The following PGBD1 variants were observed in gnomAD, a reference collection of about 807,000 sequenced individuals.
The protein encoded by PGBD1 is piggyBac transposable element-derived protein 1.
PGBD1 carries 25 observed loss-of-function variants against 34.7 expected under a neutral mutation model. That is an observed-to-expected ratio of 0.72 (90% CI 0.52 to 1.00). The LOEUF (loss-of-function observed/expected upper bound fraction) is 1.00, where lower values mean the gene tolerates loss of function less well. PGBD1 is among the 50% of genes least tolerant of loss of function. The pLI is 0.00. For missense variants in PGBD1, 830 were observed against 959.4 expected (o/e 0.87, Z 1.78); for synonymous variants, 292 against 335.7 (o/e 0.87, Z 1.42).
At position 28,285,712 on chromosome 6, in the gene PGBD1, G is replaced by C. The variant is rs1762266332; in HGVS notation, c.553+5G>C. 2 of 1,612,042 alleles carry C rather than the reference G, an allele frequency of 1.2e-6. No individual in the cohort carries two copies. The highest frequency in any genetic ancestry group is 8.5e-7 in the Non-Finnish European group (1 of 1,179,314). On this transcript the variant is annotated splice_donor_5th_base_variant and intron_variant, in intron 3 of 6. Transcript: ENST00000682144. ...GGAACCCCCAAGAAGTGAGTGGTGA[G>C]TGCTCGAGTGAGTTTAGTGAGGACG...
intron 4 of PGBD1, among the ~76,000 whole-genome samples, chr6:28,287,543 CTACTT>C (rs1370984451): frequency 2.0e-5 from 3 of 152,138 alleles, no homozygotes; most frequent in African/African-American, 7.2e-5. Context: ...CTTTCTCACA[CTACTT>C]TATATTCAGC....
intron 5 of PGBD1, 76 bp from the exon 6 acceptor site, chr6:28,297,819 T>TTG: frequency 7.0e-6 from 1 of 143,204 alleles, no homozygotes; most frequent in Non-Finnish European, 1.2e-5. Context: ...CCTGGAAGTT[T>TTG]TTTTTTTTTT....
intron 4 of PGBD1, among the ~76,000 whole-genome samples, chr6:28,290,872 G>A (rs999575333): frequency 2.6e-5 from 4 of 152,074 alleles, no homozygotes. Flanking sequence ...AAGAAATTAA[G>A]AAGGAAATGT....
In PGBD1 at chr6:28,296,923, A is replaced by G. The variant is rs761578545; in HGVS notation, c.750A>G (p.Thr250=). The G allele has an allele frequency of 6.2e-7, 1 of 1,614,148 alleles. No homozygotes were observed. The highest frequency in any genetic ancestry group is 1.1e-5 in the South Asian group (1 of 91,080). Reference sequence around the variant, plus strand: ...TCTGTGGGAACTCAGCTCAGGAGACAGTTATGAGCCTCAGTCCGATGAGTA... The same window carrying G: ...TCTGTGGGAACTCAGCTCAGGAGACGGTTATGAGCCTCAGTCCGATGAGTA... The part of the protein sequence containing the change: ...RNLCGNSAQE[T]VMSLSPMTEE... Residue 250 remains threonine (T), a synonymous_variant, in exon 5 of 7, where the codon ACA becomes ACG. Transcript: ENST00000682144.
chr6:28,283,164 C>T (rs1762177487), intron 1 of PGBD1, among the ~76,000 whole-genome samples: 1 of 152,154 alleles, frequency 6.6e-6, no homozygotes, highest in African/African-American at 2.4e-5. Context: ...GCTTGGGCTT[C>T]CTTACAGCAT....
In PGBD1 at chr6:28,302,029, A is replaced by G. The variant is rs41269295; in HGVS notation, c.2175A>G (p.Gln725=). Residue 725 remains glutamine, a synonymous_variant, in exon 7 of 7, where the codon CAA becomes CAG. Transcript: ENST00000682144. ...ACGAAGAAATCCCTCAGATAAGTCA[A>G]CCATCCATAGTAAAAGTGTATGATG... ...ADNEEIPQIS[Q]PSIVKVYDEC... is the part of the protein sequence containing the mutation. The G allele has an allele frequency of 1.9e-5, 30 of 1,614,210 alleles. No homozygotes were observed. The highest frequency in any genetic ancestry group is 2.2e-5 in the Non-Finnish European group (26 of 1,180,040).
At position 28,302,129 on chromosome 6, in the gene PGBD1, T is replaced by G. The variant is rs1439758639; in HGVS notation, c.2275T>G (p.Tyr759Asp). The stretch of plus-strand genomic sequence containing the variant: ...GGTGAGGATAAGAAGCAAGAAATGG[T>G]ACTCAATTTTGGTGAGCTACATGAT... ...YRVRIRSKKWYSILVSYMIDV... is the reference protein window; with the variant it reads ...YRVRIRSKKWDSILVSYMIDV... Residue 759 changes from tyrosine to aspartate, a missense_variant, in exon 7 of 7, where the codon TAC becomes GAC. Coordinates refer to ENST00000682144, the MANE Select transcript of PGBD1 (RefSeq NM_032507.4). The G allele has an allele frequency of 4.3e-6, 7 of 1,614,020 alleles. No homozygotes were observed. Among genetic ancestry groups the G allele is most frequent in the East Asian group, 2.2e-5 (1 of 44,888 alleles).
intron 6 of PGBD1, 106 bp downstream of exon 6, chr6:28,298,097 T>G: frequency 1.3e-6 from 1 of 786,642 alleles, no homozygotes; most frequent in East Asian, 2.6e-5. Flanking sequence ...GAATAAGATA[T>G]GACAACTGCC....
intron 4 of PGBD1, among the ~76,000 whole-genome samples, chr6:28,289,122 C>A (rs1280105336): frequency 6.6e-6 from 1 of 151,624 alleles, no homozygotes; most frequent in Non-Finnish European, 1.5e-5. Flanking sequence ...CAGAATCATC[C>A]CAAATAAGAC....
At chr6:28,298,059 A>G in intron 6 of PGBD1, 68 bp downstream of exon 6, 1 of 1,119,460 alleles carries the variant, frequency 8.9e-7, no homozygotes, top group South Asian at 1.3e-5. Flanking sequence ...AATCAGAGAA[A>G]CCAATTGGTC....
chr6:28,293,530 CA>C (rs1302950965), intron 4 of PGBD1, among the ~76,000 whole-genome samples: 1 of 152,176 alleles, frequency 6.6e-6, no homozygotes, highest in African/African-American at 2.4e-5. Context: ...ACAAGTCTGT[CA>C]GCACCATTTT....
rs1319010802 is a variant in PGBD1 at position 28,302,476 on chromosome 6, A to G, written c.*192A>G. The G allele has an allele frequency of 1.1e-5, 7 of 610,628 alleles. No homozygotes were observed. The highest frequency in any genetic ancestry group is 1.9e-5 in the Non-Finnish European group (7 of 375,958). 37.8% of individuals were successfully genotyped at this position (610,628 alleles called of 1,614,324 possible). ...GTAATGTTAAAAATTGTCTGTGAGA[A>G]TGTTGAACTGTAGTACCTTTCTCTA... On this transcript the variant is annotated 3_prime_UTR_variant, in exon 7 of 7. Transcript: ENST00000682144.
chr6:28,287,289 C>T (rs1762317039), intron 4 of PGBD1, 121 bp downstream of exon 4: 1 of 802,288 alleles, frequency 1.2e-6, no homozygotes, highest in African/African-American at 1.7e-5. Context: ...TGGCATAGTC[C>T]CTCTGCCTTC....
intron 4 of PGBD1, among the ~76,000 whole-genome samples, chr6:28,294,268 G>A (rs1342885748): frequency 1.2e-4 from 19 of 152,126 alleles, no homozygotes; most frequent in Admixed American, 1.1e-3. Flanking sequence ...AAGAATAATC[G>A]GAAGCTAGCA....
intron 4 of PGBD1, among the ~76,000 whole-genome samples, chr6:28,294,912 A>G (rs1256347295): frequency 6.6e-6 from 1 of 152,216 alleles, no homozygotes; most frequent in African/African-American, 2.4e-5. Context: ...TATTTGAGAA[A>G]TACATTTTTT....
chr6:28,302,109 G>A lies in PGBD1; in HGVS notation c.2255G>A (p.Arg752Lys). The change falls in exon 7 of 7, where the codon AGG becomes AAG. Residue 752 changes from arginine (R) to lysine (K), a missense_variant. Arg to Lys is a conservative substitution (Grantham distance 26, BLOSUM62 2). Coordinates refer to ENST00000682144, the MANE Select transcript of PGBD1 (RefSeq NM_032507.4). ...CAAATTATTTCGAAATACAGGGTGAGGATAAGAAGCAAGAAATGGTACTCA... is the reference window on the plus strand; with the variant it reads ...CAAATTATTTCGAAATACAGGGTGAAGATAAGAAGCAAGAAATGGTACTCA... ...MDQIISKYRV[R>K]IRSKKWYSIL... The A allele has an allele frequency of 6.2e-7, 1 of 1,614,138 alleles. No homozygotes were observed. The highest frequency in any genetic ancestry group is 8.5e-7 in the Non-Finnish European group (1 of 1,180,026).
Position 28,300,722 on chromosome 6 carries a change from A to G in PGBD1, c.870-2A>G. 1.3e-6 allele frequency: 2 copies of G among 1,594,578 alleles called. No individual in the cohort carries two copies. The highest frequency in any genetic ancestry group is 1.7e-6 in the Non-Finnish European group (2 of 1,172,102). On this transcript the variant is annotated splice_acceptor_variant, in intron 6 of 6. Transcript: ENST00000682144. LOFTEE classifies it high-confidence loss of function. This position sits in a 1 kb window ranked among gnomAD's most constrained non-coding sequence, Gnocchi z 4.0. ...ATAACATGTTCTTTTTTTCTTTCCC[A>G]GAGAGTGTGCACCCCAGATTCCTTG...
At position 28,301,850 on chromosome 6, in the gene PGBD1, AT is replaced by A. The variant is rs1246040233; in HGVS notation, c.1997del (p.Met666ArgfsTer4). On this transcript the variant is annotated frameshift_variant, in exon 7 of 7. Coordinates refer to ENST00000682144, the MANE Select transcript of PGBD1 (RefSeq NM_032507.4). LOFTEE classifies it low-confidence loss of function (END_TRUNC). Reference sequence around the variant, plus strand: ...ATGTCCCCTTATGAATGTAGAACATATGAAAAAAATGAAGAGAGGGTATTTT... The same window carrying A: ...ATGTCCCCTTATGAATGTAGAACATAGAAAAAAATGAAGAGAGGGTATTTT... ...EKCPLMNVEH[M>X]KKMKRGYFDF... 4.3e-6 allele frequency: 7 copies of A among 1,614,066 alleles called. No homozygotes were observed. Among genetic ancestry groups the A allele is most frequent in the Admixed American group, 1.7e-5 (1 of 59,998 alleles).
In PGBD1 at chr6:28,302,265, A is replaced by G. The variant is rs753147159; in HGVS notation, c.2411A>G (p.Asn804Ser). The G allele has an allele frequency of 1.2e-5, 20 of 1,612,514 alleles. No individual in the cohort carries two copies. The highest frequency in any genetic ancestry group is 2.2e-5 in the South Asian group (2 of 91,008). ...GTTGCACATTTCTACTTGGAACACA[A>G]TGCTCATCTGTCAGATTAGGGTACA... ...RFVAHFYLEH[N>S]AHLSD The change falls in exon 7 of 7, where the codon AAT (asparagine) becomes AGT (serine). Residue 804 changes from asparagine (N) to serine (S), a missense_variant. Physicochemically the swap from Asn to Ser is conservative, Grantham distance 46. Coordinates refer to ENST00000682144, the MANE Select transcript of PGBD1 (RefSeq NM_032507.4).
Sources: allele counts gnomAD v4.1 joint callset (sites outside exome capture counted in the v4.1 genomes callset), GRCh38; gene constraint gnomAD v4.1.1; non-coding constraint Gnocchi (gnomAD v3.1); transcripts MANE v1.5; gene names NCBI Gene and HGNC (gene_info 2026-07-23, HGNC 2026-07-21).